PHACTR3: variants seen among roughly 807,000 people sequenced by gnomAD.
The protein encoded by PHACTR3 is protein phosphatase 1, regulatory subunit 123.
In PHACTR3, 16 loss-of-function variants were observed where a neutral mutation model predicts 66.8. The observed-to-expected ratio is 0.24, with a 90% CI of 0.16 to 0.36. PHACTR3 has a LOEUF of 0.36. PHACTR3 is among the 10% of genes least tolerant of loss of function. PHACTR3 has a pLI of 1.00. For synonymous variants in PHACTR3, 323 were observed against 292.1 expected (o/e 1.11, Z -1.08); for missense variants, 647 against 719.9 (o/e 0.90, Z 1.16).
At chr20:59,671,331 T>A (rs2036191182) in intron 1 of PHACTR3, among the ~76,000 whole-genome samples, 1 of 151,884 alleles carries the variant, frequency 6.6e-6, no homozygotes, top group Admixed American at 6.6e-5. Context: ...AGGGCTAGAG[T>A]AAGAGTCGGT....
At chr20:59,687,318 G>A (rs755247677) in intron 1 of PHACTR3, among the ~76,000 whole-genome samples, 1 of 152,064 alleles carries the variant, frequency 6.6e-6, no homozygotes, top group Non-Finnish European at 1.5e-5. Flanking sequence ...TGAATGTGAC[G>A]GTGTGATGGT....
chr20:59,742,464 ACGTGCT>A lies in PHACTR3; in HGVS notation c.119-641_119-636del, dbSNP rs1314569088. Among the ~76,000 whole-genome samples, 90 of 142,462 alleles carry A rather than the reference ACGTGCT, an allele frequency of 6.3e-4. 1 individual carries two copies. The highest frequency in any genetic ancestry group is 1.9e-3 in the African/African-American group (71 of 38,122). The allele number at this position is 142,462 out of a possible 152,430, so 93.5% of individuals were successfully genotyped here. A position where few individuals can be genotyped will look rare whatever the true frequency, so the allele number is the denominator to read the frequency against. The stretch of plus-strand genomic sequence containing the variant: ...CACTGCTTCCTCTGCCTGCTCACAG[ACGTGCT>A]CACAGACGTGCTCACTCTGCAGCCG... On this transcript the variant is annotated intron_variant, in intron 1 of 12. Transcript: ENST00000371015.
At chr20:59,742,312 T>TAC (rs1446540301) in intron 1 of PHACTR3, among the ~76,000 whole-genome samples, 1 of 152,098 alleles carries the variant, frequency 6.6e-6, no homozygotes, top group Non-Finnish European at 1.5e-5. Context: ...TGTGGACGGG[T>TAC]ATGTAGGTCG....
rs546934746 is a variant in PHACTR3, at chr20:59,726,000, G to A, written c.119-17107G>A. Among the ~76,000 whole-genome samples, 11 of 152,300 alleles carry A rather than the reference G, an allele frequency of 7.2e-5. No homozygotes were observed. In the East Asian group the frequency reaches 7.7e-4, roughly 11 times the overall value. ...CCAGTGTTCTACTCCGATCCTCTCC[G>A]ACAGGCCTTCCAGAACAGGGTGTAC... On this transcript the variant is annotated intron_variant, in intron 1 of 12. Coordinates refer to ENST00000371015, the MANE Select transcript of PHACTR3 (RefSeq NM_080672.5).
chr20:59,795,319 C>G (rs2146967061), intron 7 of PHACTR3, among the ~76,000 whole-genome samples: 1 of 152,140 alleles, frequency 6.6e-6, no homozygotes, highest in African/African-American at 2.4e-5. Context: ...TTACTAATTT[C>G]TGGCTTTATA....
intron 7 of PHACTR3, among the ~76,000 whole-genome samples, chr20:59,775,384 C>G (rs1009804045): frequency 4.6e-5 from 7 of 152,072 alleles, no homozygotes; most frequent in Non-Finnish European, 1.0e-4. Context: ...GCCACGTCTC[C>G]CTGGGTGTCT....
intron 3 of PHACTR3, among the ~76,000 whole-genome samples, chr20:59,751,937 CTG>C (rs1160460704): frequency 6.6e-6 from 1 of 152,224 alleles, no homozygotes; most frequent in Non-Finnish European, 1.5e-5. Context: ...CCACGTTTCT[CTG>C]TGCTAGACAC....
intron 7 of PHACTR3, among the ~76,000 whole-genome samples, chr20:59,805,385 G>A (rs559863151): frequency 1.3e-5 from 2 of 152,294 alleles, no homozygotes; most frequent in East Asian, 3.9e-4. Flanking sequence ...TGGGGGAAAG[G>A]CTGTCACTTA....
intron 7 of PHACTR3, among the ~76,000 whole-genome samples, chr20:59,800,323 A>G (rs1235313329): frequency 1.3e-5 from 2 of 152,078 alleles, no homozygotes; most frequent in African/African-American, 2.4e-5. Context: ...TTCCTTTGTC[A>G]TTTCTTATAA....
At chr20:59,699,496 G>A (rs1041097490) in intron 1 of PHACTR3, among the ~76,000 whole-genome samples, 1 of 152,116 alleles carries the variant, frequency 6.6e-6, no homozygotes, top group Non-Finnish European at 1.5e-5. Flanking sequence ...TGAGAGGCTG[G>A]AGATTATATT....
At chr20:59,757,161 T>C (rs2039828122) in intron 4 of PHACTR3, among the ~76,000 whole-genome samples, 1 of 152,212 alleles carries the variant, frequency 6.6e-6, no homozygotes, top group Admixed American at 6.5e-5. Flanking sequence ...CCAGCCCTTG[T>C]GTGTGGCCTG....
chr20:59,697,390 T>G (rs534132058), intron 1 of PHACTR3, among the ~76,000 whole-genome samples: 3 of 152,298 alleles, frequency 2.0e-5, no homozygotes, highest in East Asian at 1.9e-4. Context: ...GAAAAGGTAT[T>G]TTTCATGGTG....
chr20:59,713,593 T>C (rs1421919681), intron 1 of PHACTR3, among the ~76,000 whole-genome samples: 11 of 152,254 alleles, frequency 7.2e-5, no homozygotes, highest in Admixed American at 7.2e-4. Context: ...TTTGATAATA[T>C]TTCATCATTT....
rs542510943 is a variant in PHACTR3, at chr20:59,671,315, C to T, written c.118+66183C>T. 4.9e-4 allele frequency among the ~76,000 whole-genome samples: 74 copies of T among 152,224 alleles called. 1 individual carries two copies. Among genetic ancestry groups the T allele is most frequent in the African/African-American group, 1.5e-3 (61 of 41,540 alleles). The stretch of plus-strand genomic sequence containing the variant: ...CTGGGTGAGCCTCCTCTCTCCTTGC[C>T]GGGGAAGGGCTAGAGTAAGAGTCGG... On this transcript the variant is annotated intron_variant, in intron 1 of 12. Transcript: ENST00000371015.
rs113855852 is a variant in PHACTR3, at chr20:59,693,667, A to G, written c.119-49440A>G. Among the ~76,000 whole-genome samples the G allele has an allele frequency of 1.6e-4, 24 of 152,310 alleles. No individual in the cohort carries two copies. In the East Asian group the frequency reaches 4.3e-3, roughly 27 times the overall value. ...AATTTAGCTTGTGATTTTGTTGACA[A>G]TTAGGCTGGACTTAGCTGGGTGGTT... On this transcript the variant is annotated intron_variant, in intron 1 of 12. Transcript: ENST00000371015.
intron 1 of PHACTR3, among the ~76,000 whole-genome samples, chr20:59,636,634 C>T (rs1305540713): frequency 2.0e-5 from 3 of 152,124 alleles, no homozygotes; most frequent in African/African-American, 7.2e-5. Flanking sequence ...CCTAAATTTC[C>T]CCAGCTCTCA....
Position 59,841,377 on chromosome 20 carries a change from G to T in PHACTR3, c.1447-18G>T, listed in dbSNP as rs781253935. 7.0e-5 allele frequency: 112 copies of T among 1,604,628 alleles called. 1 individual carries two copies. The highest frequency in any genetic ancestry group is 5.0e-4 in the Middle Eastern group (3 of 5,942). On this transcript the variant is annotated intron_variant, in intron 10 of 12. Transcript: ENST00000371015. ...AGTTTGGCATGTGATACTTAACTAT[G>T]ATGATCTTTAATTTTAGCTTAATCA...
chr20:59,629,991 G>A (rs1389213785), intron 1 of PHACTR3, among the ~76,000 whole-genome samples: 1 of 152,098 alleles, frequency 6.6e-6, no homozygotes, highest in Non-Finnish European at 1.5e-5. Context: ...CCTGCAGAAT[G>A]CATGAATATA....
chr20:59,755,928 T>C (rs546876110), intron 4 of PHACTR3, among the ~76,000 whole-genome samples: 29 of 152,152 alleles, frequency 1.9e-4, no homozygotes, highest in Non-Finnish European at 3.8e-4. Context: ...GGTGCCTTGC[T>C]CCAAGCCTCA....
Sources: allele counts gnomAD v4.1 joint callset (sites outside exome capture counted in the v4.1 genomes callset), GRCh38; gene constraint gnomAD v4.1.1; transcripts MANE v1.5; gene names NCBI Gene and HGNC (gene_info 2026-07-23, HGNC 2026-07-21).